Variants in SAXO1 observed in about 807,000 individuals in gnomAD.
The protein encoded by SAXO1 is stabilizer of axonemal microtubules 1.
In SAXO1, 21 loss-of-function variants were observed where a neutral mutation model predicts 17.5. That is an observed-to-expected ratio of 1.20 (90% CI 0.85 to 1.72). The LOEUF is 1.72. SAXO1 is among the 40% of genes most tolerant of loss of function. SAXO1 has a pLI of 0.00. For synonymous variants in SAXO1, 274 were observed against 216.5 expected, an observed-to-expected ratio of 1.27 and a Z score of -2.33; for missense variants, 843 against 596.0, an observed-to-expected ratio of 1.41 and a Z score of -4.32.
rs756310455 is a variant in SAXO1, at chr9:18,928,697, C to T, written c.780G>A (p.Arg260=). 9 of 1,613,996 alleles carry T rather than the reference C, an allele frequency of 5.6e-6. No individual in the cohort carries two copies. Among genetic ancestry groups the T allele is most frequent in the Non-Finnish European group, 6.8e-6 (8 of 1,180,040 alleles). Residue 260 remains arginine, a synonymous_variant, in exon 4 of 4, where the codon AGG becomes AGA. Transcript: ENST00000380534. ...EPAKSLKPLA[R]PPGLDMPFCN... ...AGAAAGGCATGTCTAGCCCAGGAGG[C>T]CTGGCTAGAGGTTTCAAGCTCTTGG...
intron 1 of SAXO1, among the ~76,000 whole-genome samples, chr9:19,025,848 A>C (rs1835448888): frequency 6.6e-6 from 1 of 151,518 alleles, no homozygotes; most frequent in Admixed American, 6.6e-5. Context: ...TTTGCTATTT[A>C]TATTACTTTA....
intron 1 of SAXO1, chr9:19,026,984 T>G (rs879193310): frequency 9.9e-6 from 9 of 908,692 alleles, no homozygotes; most frequent in Non-Finnish European, 1.7e-5. Flanking sequence ...GCACATGGCT[T>G]CTGGACAGTG....
intron 1 of SAXO1, among the ~76,000 whole-genome samples, chr9:19,007,973 C>CTTT (rs112830612): frequency 3.6e-5 from 5 of 140,208 alleles, no homozygotes; most frequent in Admixed American, 2.2e-4. Flanking sequence ...ACTACCAGGT[C>CTTT]TTTTTTTTTT....
intron 2 of SAXO1, among the ~76,000 whole-genome samples, chr9:18,948,839 T>A (rs1333778720): frequency 6.6e-6 from 1 of 152,134 alleles, no homozygotes; most frequent in East Asian, 1.9e-4. Context: ...CAACTAGACA[T>A]CTCACAAAGT....
intron 1 of SAXO1, among the ~76,000 whole-genome samples, chr9:18,951,425 C>T (rs969474853): frequency 2.6e-5 from 4 of 152,302 alleles, no homozygotes; most frequent in Admixed American, 6.5e-5. Flanking sequence ...CATCACTGTA[C>T]ACAAATGACA....
chr9:18,967,124 T>C (rs1279210173), intron 1 of SAXO1, among the ~76,000 whole-genome samples: 2 of 152,156 alleles, frequency 1.3e-5, no homozygotes, highest in African/African-American at 4.8e-5. Flanking sequence ...GGAAGCTTCA[T>C]CCCAGAGGGG....
Position 19,018,379 on chromosome 9 carries a change from T to G in SAXO1, c.38+14492A>C, listed in dbSNP as rs1257529134. ...AGTGTCAGAATTTCAGGAACTGCCA[T>G]CGTTGGCAGGAAGGTGCAAAGAAGG... On this transcript the variant is annotated intron_variant, in intron 1 of 3. Transcript: ENST00000380534. 2.0e-5 allele frequency among the ~76,000 whole-genome samples: 3 copies of G among 152,134 alleles called. No individual in the cohort carries two copies. In the East Asian group the frequency reaches 5.8e-4, roughly 29 times the overall value.
At position 19,001,206 on chromosome 9, in the gene SAXO1, C is replaced by A. The variant is rs185996109; in HGVS notation, c.38+31665G>T. Among the ~76,000 whole-genome samples the A allele has an allele frequency of 3.1e-3, 465 of 152,250 alleles. 8 individuals carry two copies. In the South Asian group the frequency reaches 0.045, roughly 15 times the overall value. On this transcript the variant is annotated intron_variant, in intron 1 of 3. Transcript: ENST00000380534. Reference sequence around the variant, plus strand: ...TAGTTGGAAGTAAAGCACTCCTGGGCAAATGTAAAAGAACAGAAATCACAA... The same window carrying A: ...TAGTTGGAAGTAAAGCACTCCTGGGAAAATGTAAAAGAACAGAAATCACAA...
intron 2 of SAXO1, 26 bp downstream of exon 2, chr9:18,950,732 C>T: frequency 6.3e-7 from 1 of 1,594,706 alleles, no homozygotes; most frequent in Non-Finnish European, 8.6e-7. Flanking sequence ...TATGTACCTG[C>T]ATACATTAAT....
At chr9:18,958,367 T>C (rs894432227) in intron 1 of SAXO1, among the ~76,000 whole-genome samples, 1 of 152,106 alleles carries the variant, frequency 6.6e-6, no homozygotes, top group Non-Finnish European at 1.5e-5. Flanking sequence ...GAGGTTGCCC[T>C]GAGTCGAGAT....
intron 3 of SAXO1, 29 bp downstream of exon 3, chr9:18,941,608 C>T (rs781711386): frequency 6.2e-7 from 1 of 1,612,782 alleles, no homozygotes; most frequent in African/African-American, 1.3e-5. Flanking sequence ...CCTGTCTTTC[C>T]CCCAATCTGC....
chr9:18,930,783 G>A (rs757870117), intron 3 of SAXO1, among the ~76,000 whole-genome samples: 9 of 152,200 alleles, frequency 5.9e-5, no homozygotes, highest in Non-Finnish European at 1.2e-4. Context: ...ACAGGCGTGA[G>A]CCACCACGCC....
At chr9:18,957,430 C>A (rs190488375) in intron 1 of SAXO1, among the ~76,000 whole-genome samples, 3 of 152,312 alleles carry the variant, frequency 2.0e-5, no homozygotes, top group African/African-American at 7.2e-5. Flanking sequence ...GCAGCCTTCA[C>A]GCCAGGGCCC....
chr9:19,024,420 C>T (rs1835384538), intron 1 of SAXO1, among the ~76,000 whole-genome samples: 1 of 150,814 alleles, frequency 6.6e-6, no homozygotes, highest in South Asian at 2.1e-4. Context: ...GGAAGGGGAA[C>T]ATCACACACC....
chr9:18,966,974 G>A (rs1014061478), intron 1 of SAXO1, among the ~76,000 whole-genome samples: 4 of 152,186 alleles, frequency 2.6e-5, no homozygotes, highest in African/African-American at 9.7e-5. Flanking sequence ...CTTTCTGTTT[G>A]TTAGTTTTCC....
intron 1 of SAXO1, among the ~76,000 whole-genome samples, chr9:18,971,703 A>G (rs1832948974): frequency 6.6e-6 from 1 of 152,178 alleles, no homozygotes; most frequent in Admixed American, 6.5e-5. Flanking sequence ...ATAATTCAAT[A>G]TGTCAAAGTT....
At chr9:18,945,520 A>C (rs545860002) in intron 2 of SAXO1, among the ~76,000 whole-genome samples, 1 of 152,330 alleles carries the variant, frequency 6.6e-6, no homozygotes, top group South Asian at 2.1e-4. Context: ...CATCCTAGGC[A>C]GCTTGGGGAG....
intron 3 of SAXO1, among the ~76,000 whole-genome samples, chr9:18,936,777 G>A (rs567178860): frequency 6.6e-6 from 1 of 152,258 alleles, no homozygotes; most frequent in Non-Finnish European, 1.5e-5. Context: ...TAAACCTAAA[G>A]CTGAGCATCA....
chr9:18,987,531 C>T (rs1833642990), intron 1 of SAXO1, among the ~76,000 whole-genome samples: 1 of 152,220 alleles, frequency 6.6e-6, no homozygotes, highest in Admixed American at 6.5e-5. Flanking sequence ...TCCACCCGCT[C>T]AGCCTCCTGT....
Sources: gnomAD v4.1 joint callset for allele counts (sites outside exome capture counted in the v4.1 genomes callset) on GRCh38, gnomAD v4.1.1 for gene constraint, MANE v1.5 for transcripts, NCBI Gene and HGNC (gene_info 2026-07-23, HGNC 2026-07-21) for gene names.